Variants in SH2D4B observed in about 807,000 individuals in gnomAD.
SH2D4B encodes the protein SH2 domain containing 4B, also known as SH2 domain-containing protein 4B.
SH2D4B carries 45 observed loss-of-function variants against 61.5 expected under a neutral mutation model. The ratio of observed to expected loss-of-function variants is 0.73; its 90% confidence interval spans 0.58 to 0.94. The LOEUF is 0.94. Ranked by LOEUF, SH2D4B falls within the 40% of genes least tolerant of loss-of-function variation. The pLI is 0.00. For missense variants in SH2D4B, 572 were observed against 574.2 expected (o/e 1.00, Z 0.04); for synonymous variants, 224 against 220.4 (o/e 1.02, Z -0.14).
At chr10:80,637,992 T>G (rs148627972) in intron 7 of SH2D4B, among the ~76,000 whole-genome samples, 1 of 152,236 alleles carries the variant, frequency 6.6e-6, no homozygotes, top group Non-Finnish European at 1.5e-5. Flanking sequence ...GTTTTTAGCA[T>G]GAAGGGCTGC....
chr10:80,539,924 G>A lies in SH2D4B; in HGVS notation c.184+1409G>A, dbSNP rs1173385218. Among the ~76,000 whole-genome samples the A allele has an allele frequency of 6.6e-6, 1 of 152,144 alleles. No homozygotes were observed. Among genetic ancestry groups the A allele is most frequent in the Non-Finnish European group, 1.5e-5 (1 of 68,016 alleles). ...AAGCTGGGGCCTTCCGGGCTGGGCT[G>A]CGCTGGCAGCTGCATCACTAACTGG... On this transcript the variant is annotated intron_variant, in intron 1 of 7. Transcript: ENST00000646907. This position sits in a 1 kb window ranked among gnomAD's most constrained non-coding sequence, Gnocchi z 4.9.
intron 1 of SH2D4B, among the ~76,000 whole-genome samples, chr10:80,545,419 C>T (rs189714935): frequency 0.011 from 1,651 of 150,452 alleles, 29 homozygotes; most frequent in African/African-American, 0.039. Flanking sequence ...TACTTTCTGT[C>T]CTCTTTCTTC....
At position 80,591,047 on chromosome 10, in the gene SH2D4B, A is replaced by G. The variant is rs182288787; in HGVS notation, c.643+2270A>G. Among the ~76,000 whole-genome samples the G allele has an allele frequency of 5.9e-3, 900 of 151,308 alleles. 1 individual carries two copies. The highest frequency in any genetic ancestry group is 0.014 in the Middle Eastern group (4 of 290). On this transcript the variant is annotated intron_variant, in intron 4 of 7. Transcript: ENST00000646907. ...GCTTAGCACAATGTTTTCAAGGTCC[A>G]TTCATGTTGTAGCAGATATCATTCC... is the stretch of plus-strand genomic sequence containing the variant.
chr10:80,602,779 TG>T (rs561202173), intron 4 of SH2D4B, among the ~76,000 whole-genome samples: 125 of 152,328 alleles, frequency 8.2e-4, no homozygotes, highest in Non-Finnish European at 1.6e-3. Context: ...ATGAGGAGGT[TG>T]GGCCAGATGG....
intron 1 of SH2D4B, among the ~76,000 whole-genome samples, chr10:80,566,090 C>CAAAAAAAAAAAAA (rs60774703): frequency 9.2e-4 from 22 of 23,816 alleles, no homozygotes; most frequent in African/African-American, 3.8e-3. Flanking sequence ...GACTCCGGCT[C>CAAAAAAAAAAAAA]AAAAAAAAAA....
intron 1 of SH2D4B, among the ~76,000 whole-genome samples, chr10:80,554,834 C>T (rs1394401600): frequency 2.6e-5 from 4 of 151,704 alleles, no homozygotes; most frequent in African/African-American, 9.7e-5. Context: ...ACGGTGAAAC[C>T]CCGTCTCTAC....
intron 4 of SH2D4B, among the ~76,000 whole-genome samples, chr10:80,597,326 C>T (rs1242503318): frequency 1.3e-5 from 2 of 152,100 alleles, no homozygotes; most frequent in South Asian, 2.1e-4. Context: ...CTTACATGCC[C>T]GAGTTACAGT....
At chr10:80,585,758 T>C (rs988720501) in intron 3 of SH2D4B, among the ~76,000 whole-genome samples, 25 of 152,344 alleles carry the variant, frequency 1.6e-4, no homozygotes, top group African/African-American at 6.0e-4. Flanking sequence ...CTCCTCTGCC[T>C]GGGCTCCCAC....
rs1261494741 is a variant in SH2D4B at position 80,539,850 on chromosome 10, C to T, written c.184+1335C>T. On this transcript the variant is annotated intron_variant, in intron 1 of 7. Coordinates refer to ENST00000646907, the MANE Select transcript of SH2D4B (RefSeq NM_001388272.1). This position sits in a 1 kb window ranked among gnomAD's most constrained non-coding sequence, Gnocchi z 4.9. ...TGAACAAGACACAGCAGGACCCTGC[C>T]GGGGAGGTTGGGGCAGAGCTGTGAC... is the stretch of plus-strand genomic sequence containing the variant. 1.3e-5 allele frequency among the ~76,000 whole-genome samples: 2 copies of T among 152,114 alleles called. No individual in the cohort carries two copies. The highest frequency in any genetic ancestry group is 2.4e-5 in the African/African-American group (1 of 41,446).
intron 1 of SH2D4B, chr10:80,540,974 T>A: frequency 5.8e-6 from 8 of 1,387,160 alleles, no homozygotes; most frequent in Non-Finnish European, 8.0e-6. Context: ...CTCTTGAAAC[T>A]GTCTTGAGAA....
intron 1 of SH2D4B, among the ~76,000 whole-genome samples, chr10:80,565,894 T>A (rs61372324): frequency 0.21 from 31,533 of 151,374 alleles, 3,848 homozygotes; most frequent in African/African-American, 0.34. Context: ...ATCAAGACCA[T>A]CCTGGCTAAC....
At chr10:80,637,150 C>T (rs1356364703) in intron 7 of SH2D4B, among the ~76,000 whole-genome samples, 1 of 152,064 alleles carries the variant, frequency 6.6e-6, no homozygotes, top group East Asian at 1.9e-4. Flanking sequence ...TGGTCTATAT[C>T]TCTGTTTTGG....
intron 3 of SH2D4B, among the ~76,000 whole-genome samples, chr10:80,573,149 T>TG (rs1254299379): frequency 6.8e-6 from 1 of 147,898 alleles, no homozygotes; most frequent in African/African-American, 2.5e-5. Flanking sequence ...CGCGCCCGGC[T>TG]AATTTTTTTT....
At chr10:80,587,040 G>A (rs937969298) in intron 3 of SH2D4B, among the ~76,000 whole-genome samples, 13 of 151,214 alleles carry the variant, frequency 8.6e-5, no homozygotes, top group Non-Finnish European at 1.6e-4. Context: ...CTCCGGATAT[G>A]CCACATTTAA....
chr10:80,551,230 A>T (rs1309456550), intron 1 of SH2D4B, among the ~76,000 whole-genome samples: 1 of 151,920 alleles, frequency 6.6e-6, no homozygotes, highest in Admixed American at 6.6e-5. Context: ...TATTTTTTGT[A>T]TTTTTAGTAG....
In SH2D4B at chr10:80,557,613, C is replaced by T. The variant is rs1841855092; in HGVS notation, c.185-12541C>T. Among the ~76,000 whole-genome samples, 3 of 152,044 alleles carry T rather than the reference C, an allele frequency of 2.0e-5. No individual in the cohort carries two copies. In the South Asian group the frequency reaches 6.2e-4, roughly 32 times the overall value. The stretch of plus-strand genomic sequence containing the variant: ...TATTTTGCATCTTTCAAATAATTTG[C>T]TTATTTTATCTAAGTTATCAACTTG... On this transcript the variant is annotated intron_variant, in intron 1 of 7. Transcript: ENST00000646907.
intron 3 of SH2D4B, among the ~76,000 whole-genome samples, chr10:80,584,059 A>C (rs894942366): frequency 6.6e-6 from 1 of 152,272 alleles, no homozygotes; most frequent in Non-Finnish European, 1.5e-5. Flanking sequence ...ATTCTGCAGG[A>C]AAATGATTTT....
intron 1 of SH2D4B, among the ~76,000 whole-genome samples, chr10:80,567,031 T>C (rs1351923504): frequency 1.3e-5 from 2 of 152,230 alleles, no homozygotes; most frequent in African/African-American, 2.4e-5. Context: ...GAAGGTTTAT[T>C]ACTTAACTAT....
chr10:80,578,265 T>C (rs943605380), intron 3 of SH2D4B, among the ~76,000 whole-genome samples: 1 of 152,210 alleles, frequency 6.6e-6, no homozygotes, highest in Admixed American at 6.5e-5. Flanking sequence ...CTTTCAACAG[T>C]AGGGTTCTAA....
Sources: allele counts gnomAD v4.1 joint callset (sites outside exome capture counted in the v4.1 genomes callset), GRCh38; gene constraint gnomAD v4.1.1; non-coding constraint Gnocchi (gnomAD v3.1); transcripts MANE v1.5; gene names NCBI Gene and HGNC (gene_info 2026-07-23, HGNC 2026-07-21).